Variants in PCDHA5 observed in about 807,000 individuals in gnomAD.
PCDHA5 encodes the protein protocadherin alpha-5.
A neutral mutation model predicts 61.6 loss-of-function variants in PCDHA5; 43 were observed. The observed-to-expected ratio is 0.70, with a 90% CI of 0.55 to 0.90. PCDHA5 has a LOEUF of 0.90. Ranked by LOEUF, PCDHA5 falls within the 40% of genes least tolerant of loss-of-function variation. The pLI is 0.00. For missense variants in PCDHA5, 1,298 were observed against 1,222.7 expected (o/e 1.06, Z -0.92); for synonymous variants, 627 against 543.9 (o/e 1.15, Z -2.13).
At chr5:140,829,637 A>C in intron 1 of PCDHA5, 5 of 1,612,300 alleles carry the variant, frequency 3.1e-6, no homozygotes, top group Non-Finnish European at 4.2e-6. Context: ...GGAGAGCGGC[A>C]AGGTGTACGC....
chr5:140,822,387 A>G lies in PCDHA5; in HGVS notation c.612A>G (p.Thr204=). 2 of 1,614,150 alleles carry G rather than the reference A, an allele frequency of 1.2e-6. No individual in the cohort carries two copies. Among genetic ancestry groups the G allele is most frequent in the Non-Finnish European group, 1.7e-6 (2 of 1,180,038 alleles). Residue 204 remains threonine, a synonymous_variant, in exon 1 of 4, where the codon ACA becomes ACG. Transcript: ENST00000529859. The part of the protein sequence containing the change: ...VLRKSLDREE[T]QEHRLLVIAT... ...GGAAATCCTTAGATAGAGAAGAAAC[A>G]CAAGAACACCGTTTATTAGTGATTG...
intron 1 of PCDHA5, among the ~76,000 whole-genome samples, chr5:140,976,855 G>A (rs946538789): frequency 9.9e-5 from 15 of 152,142 alleles, no homozygotes; most frequent in Non-Finnish European, 1.5e-4. Flanking sequence ...CTTTCATAGA[G>A]TTTACTGTCT....
chr5:140,936,275 T>C (rs1423652397), intron 1 of PCDHA5, among the ~76,000 whole-genome samples: 1 of 152,216 alleles, frequency 6.6e-6, no homozygotes, highest in African/African-American at 2.4e-5. Context: ...TATATTCCTG[T>C]GTTTTCTTCT....
chr5:140,825,311 T>G (rs1360273212), intron 1 of PCDHA5: 2 of 149,360 alleles, frequency 1.3e-5, no homozygotes, highest in Non-Finnish European at 3.0e-5. Flanking sequence ...AACAATGATT[T>G]AATTTTCTGG....
intron 1 of PCDHA5, chr5:140,858,543 A>AT: frequency 7.1e-7 from 1 of 1,400,318 alleles, no homozygotes; most frequent in Admixed American, 2.0e-5. Flanking sequence ...TCTACATTCC[A>AT]TTTATGCTTG....
chr5:140,823,273 G>A lies in PCDHA5; in HGVS notation c.1498G>A (p.Glu500Lys). 2 of 1,612,518 alleles carry A rather than the reference G, an allele frequency of 1.2e-6. No individual in the cohort carries two copies. The highest frequency in any genetic ancestry group is 1.7e-6 in the Non-Finnish European group (2 of 1,179,758). The change falls in exon 1 of 4, where the codon GAG becomes AAG. Residue 500 changes from glutamate (E) to lysine (K), a missense_variant. Coordinates refer to ENST00000529859, the MANE Select transcript of PCDHA5 (RefSeq NM_018908.3). ...SYSLVERRVGERPLSSYVSVH... is the reference protein window; with the variant it reads ...SYSLVERRVGKRPLSSYVSVH... The stretch of plus-strand genomic sequence containing the variant: ...CTCGCTGGTGGAGCGGCGGGTGGGC[G>A]AGCGCCCGCTGTCGAGTTACGTTTC...
intron 1 of PCDHA5, chr5:140,869,738 T>C (rs1454972321): frequency 1.2e-6 from 2 of 1,613,348 alleles, no homozygotes; most frequent in Non-Finnish European, 8.5e-7. Flanking sequence ...AATTTGCTGC[T>C]AACAGCTACA....
intron 1 of PCDHA5, chr5:140,825,004 C>T (rs1554130121): frequency 6.6e-6 from 1 of 151,952 alleles, no homozygotes; most frequent in East Asian, 1.9e-4. Context: ...ACATGGTTTA[C>T]TGTTCTAAAG....
At chr5:140,937,150 G>C (rs2153631833) in intron 1 of PCDHA5, among the ~76,000 whole-genome samples, 1 of 149,812 alleles carries the variant, frequency 6.7e-6, no homozygotes, top group East Asian at 2.0e-4. Context: ...CCATTCTCCT[G>C]CCTCAGCCTC....
At chr5:140,843,340 C>T (rs1290060439) in intron 1 of PCDHA5, 3 of 1,595,900 alleles carry the variant, frequency 1.9e-6, no homozygotes, top group African/African-American at 2.7e-5. Context: ...TGGAGAGCGG[C>T]CAGGCTCCAA....
chr5:140,839,391 TG>T (rs1776205247), intron 1 of PCDHA5, among the ~76,000 whole-genome samples: 1 of 151,714 alleles, frequency 6.6e-6, no homozygotes, highest in African/African-American at 2.4e-5. Flanking sequence ...ATGATGATGA[TG>T]ATGATTATTA....
At chr5:140,969,359 C>A (rs1554231722) in intron 1 of PCDHA5, 2 of 1,611,118 alleles carry the variant, frequency 1.2e-6, no homozygotes, top group Admixed American at 3.4e-5. Flanking sequence ...GGGTCTTCTA[C>A]AAACTCATGC....
At chr5:140,982,453 C>T (rs1554244194) in intron 2 of PCDHA5, 22 bp from the exon 3 acceptor site, 5 of 1,613,812 alleles carry the variant, frequency 3.1e-6, no homozygotes, top group African/African-American at 1.3e-5. Context: ...TAACCGTTAT[C>T]TGGGTCTGTG....
At chr5:140,892,891 C>T (rs563104545) in intron 1 of PCDHA5, among the ~76,000 whole-genome samples, 1 of 152,264 alleles carries the variant, frequency 6.6e-6, no homozygotes, top group South Asian at 2.1e-4. Context: ...ATTAACCAAC[C>T]TTTCCCCATC....
At chr5:140,903,429 G>T (rs782504374) in intron 1 of PCDHA5, among the ~76,000 whole-genome samples, 2 of 152,180 alleles carry the variant, frequency 1.3e-5, no homozygotes, top group South Asian at 4.1e-4. Context: ...AGCACAATAT[G>T]TATCAGTGGA....
intron 1 of PCDHA5, chr5:140,861,376 C>G (rs1490345053): frequency 4.8e-6 from 2 of 418,688 alleles, no homozygotes; most frequent in African/African-American, 4.1e-5. Flanking sequence ...GTCCCTATTG[C>G]GCAGGACCTG....
intron 1 of PCDHA5, among the ~76,000 whole-genome samples, chr5:140,975,853 C>T (rs1419464318): frequency 6.6e-6 from 1 of 152,126 alleles, no homozygotes; most frequent in African/African-American, 2.4e-5. Context: ...AATACTACAT[C>T]ACCCATATGG....
rs1263646925 is a variant in PCDHA5 at position 140,846,355 on chromosome 5, C to T, written c.2352+22228C>T. Among the ~76,000 whole-genome samples, 7 of 133,762 alleles carry T rather than the reference C, an allele frequency of 5.2e-5. 1 individual carries two copies. The highest frequency in any genetic ancestry group is 8.2e-5 in the Non-Finnish European group (5 of 61,048). The allele number at this position is 133,762 out of a possible 152,430, so 87.8% of individuals were successfully genotyped here. A position where few individuals can be genotyped will look rare whatever the true frequency, so the allele number is the denominator to read the frequency against. The stretch of plus-strand genomic sequence containing the variant: ...CCTTTTAAAGTGCTTTCTCTTTTTT[C>T]TTTTCTTTTCTTTCTTTCTTTTTTT... On this transcript the variant is annotated intron_variant, in intron 1 of 3. Transcript: ENST00000529859.
In PCDHA5 at chr5:140,904,302, A is replaced by C. The variant is rs553969479; in HGVS notation, c.2353-74647A>C. Among the ~76,000 whole-genome samples, 22 of 151,950 alleles carry C rather than the reference A, an allele frequency of 1.4e-4. No individual in the cohort carries two copies. In the East Asian group the frequency reaches 3.9e-3, roughly 27 times the overall value. On this transcript the variant is annotated intron_variant, in intron 1 of 3. Transcript: ENST00000529859. ...TGTGGTGTTTGGTTTTCCATTCCTG[A>C]GTTTCTTCACTTAGAATAATGGTCT...
Sources: allele counts gnomAD v4.1 joint callset (sites outside exome capture counted in the v4.1 genomes callset), GRCh38; gene constraint gnomAD v4.1.1; transcripts MANE v1.5; gene names NCBI Gene and HGNC (gene_info 2026-07-23, HGNC 2026-07-21).